DHRSX: variants seen among roughly 807,000 people sequenced by gnomAD.
The protein encoded by DHRSX is polyprenol dehydrogenase.
DHRSX carries 31 observed loss-of-function variants against 34.0 expected under a neutral mutation model. That is an observed-to-expected ratio of 0.91 (90% CI 0.69 to 1.23). DHRSX has a LOEUF of 1.23. Ranked by LOEUF, DHRSX falls within the 50% of genes most tolerant of loss-of-function variation. The probability of loss-of-function intolerance (pLI) is 0.00; values close to 1 mark genes in which losing one functional copy is unlikely to be tolerated. For synonymous variants in DHRSX, 201 were observed against 183.8 expected (o/e 1.09, Z -0.76); for missense variants, 414 against 428.1 (o/e 0.97, Z 0.29).
intron 6 of DHRSX, among the ~76,000 whole-genome samples, chrX:2,225,276 A>C (rs895774894): frequency 6.7e-6 from 1 of 148,882 alleles, no homozygotes; most frequent in African/African-American, 2.5e-5. Context: ...CACAGCTCAC[A>C]CACATGCACT....
intron 3 of DHRSX, among the ~76,000 whole-genome samples, chrX:2,385,103 A>AAT (rs201832423): frequency 6.3e-5 from 5 of 79,372 alleles, no homozygotes; most frequent in Admixed American, 6.2e-4. Flanking sequence ...CTCCATCTCA[A>AAT]ATATATATGT....
intron 3 of DHRSX, among the ~76,000 whole-genome samples, chrX:2,333,704 C>G (rs760025465): frequency 5.3e-5 from 8 of 152,096 alleles, no homozygotes; most frequent in African/African-American, 1.9e-4. Context: ...TGAGCCACTG[C>G]GCCCGGCCAA....
At chrX:2,325,395 G>A (rs1166060146) in intron 3 of DHRSX, among the ~76,000 whole-genome samples, 4 of 152,074 alleles carry the variant, frequency 2.6e-5, no homozygotes, top group African/African-American at 7.2e-5. Context: ...AGGAACTAGG[G>A]ACTAGACACA....
intron 1 of DHRSX, among the ~76,000 whole-genome samples, chrX:2,482,616 T>C (rs5983086): frequency 0.43 from 66,080 of 151,956 alleles, 14,863 homozygotes; most frequent in African/African-American, 0.53. Flanking sequence ...TTTCTTTCCC[T>C]CAAGAATTTA....
intron 3 of DHRSX, among the ~76,000 whole-genome samples, chrX:2,402,578 C>T (rs1311140206): frequency 2.0e-5 from 3 of 152,158 alleles, no homozygotes; most frequent in Non-Finnish European, 2.9e-5. Context: ...TGGCCACAGC[C>T]GAAATGTCCC....
At chrX:2,399,607 G>A (rs2043459250) in intron 3 of DHRSX, among the ~76,000 whole-genome samples, 1 of 151,706 alleles carries the variant, frequency 6.6e-6, no homozygotes, top group Non-Finnish European at 1.5e-5. Flanking sequence ...TTGGGAGGCT[G>A]AGGCAGGAGA....
intron 5 of DHRSX, among the ~76,000 whole-genome samples, chrX:2,243,800 T>G (rs1360226412): frequency 0.022 from 1,764 of 80,562 alleles, 107 homozygotes; most frequent in African/African-American, 0.075. Context: ...TTTTTTTTTT[T>G]TTTTTTTTTT....
At chrX:2,299,727 C>A (rs184617937) in intron 3 of DHRSX, among the ~76,000 whole-genome samples, 1 of 151,758 alleles carries the variant, frequency 6.6e-6, no homozygotes, top group Non-Finnish European at 1.5e-5. Context: ...TGGTGGTGCA[C>A]GCCTGTAATC....
chrX:2,287,626 A>C (rs1330590297), intron 4 of DHRSX, among the ~76,000 whole-genome samples: 2 of 152,002 alleles, frequency 1.3e-5, no homozygotes, highest in African/African-American at 4.8e-5. Flanking sequence ...TGTGGAAGAC[A>C]GAATAATGGC....
At chrX:2,290,862 G>A (rs2041857060) in intron 4 of DHRSX, among the ~76,000 whole-genome samples, 1 of 152,144 alleles carries the variant, frequency 6.6e-6, no homozygotes, top group African/African-American at 2.4e-5. Context: ...CTGCAGCAGG[G>A]GATGAGAGTA....
intron 3 of DHRSX, among the ~76,000 whole-genome samples, chrX:2,333,603 C>G (rs1407574462): frequency 6.6e-6 from 1 of 152,080 alleles, no homozygotes; most frequent in Non-Finnish European, 1.5e-5. Flanking sequence ...TTAGTAGAGA[C>G]AGGGTTTCAC....
chrX:2,242,182 T>C lies in DHRSX; in HGVS notation c.804+841A>G, dbSNP rs768914802. ...TTTATTCATGTTTCAAAAAGGGCAA[T>C]TGTATTTTGTGCGTTGATTTTTCAG... On this transcript the variant is annotated intron_variant, in intron 6 of 6. Transcript: ENST00000334651. Among the ~76,000 whole-genome samples, 10 of 152,162 alleles carry C rather than the reference T, an allele frequency of 6.6e-5. No homozygotes were observed. The South Asian group carries it at 1.0e-3, about 16-fold the overall frequency.
intron 1 of DHRSX, among the ~76,000 whole-genome samples, chrX:2,498,629 A>AG (rs1054258556): frequency 2.0e-5 from 3 of 151,512 alleles, no homozygotes; most frequent in Non-Finnish European, 4.4e-5. Context: ...AAATGGGAAA[A>AG]AAAAAAAAAA....
At position 2,318,904 on chromosome X, in the gene DHRSX, A is replaced by G. The variant is rs749676568; in HGVS notation, c.287-27301T>C. ...GAACCCTCTCTTGGGGTCAGGATCAAGACCCCTTTCCAGTAAACAACGCCT... is the reference window on the plus strand; with the variant it reads ...GAACCCTCTCTTGGGGTCAGGATCAGGACCCCTTTCCAGTAAACAACGCCT... On this transcript the variant is annotated intron_variant, in intron 3 of 6. Transcript: ENST00000334651. 3.9e-5 allele frequency among the ~76,000 whole-genome samples: 6 copies of G among 152,196 alleles called. No homozygotes were observed. The East Asian group carries it at 1.2e-3, about 29-fold the overall frequency.
intron 1 of DHRSX, among the ~76,000 whole-genome samples, chrX:2,434,073 C>T (rs754103230): frequency 2.5e-4 from 38 of 152,250 alleles, no homozygotes; most frequent in East Asian, 2.1e-3. Context: ...CCACCGCGCC[C>T]GGTCTATAAA....
At position 2,425,203 on chromosome X, in the gene DHRSX, T is replaced by A. The variant is rs1569499725; in HGVS notation, c.211A>T (p.Ile71Phe). Residue 71 changes from isoleucine to phenylalanine, a missense_variant, in exon 2 of 7, where the codon ATC becomes TTC. Transcript: ENST00000334651. ...TAACTGTAAAAGTCATCACCTATGA[T>A]AACATGCATGCCAAGTCTCGCCAGA... is the stretch of plus-strand genomic sequence containing the variant. ...KHLARLGMHVIIAGNNDSKAK... is the reference protein window; with the variant it reads ...KHLARLGMHVFIAGNNDSKAK... The A allele has an allele frequency of 8.1e-6, 13 of 1,611,240 alleles. No homozygotes were observed. The highest frequency in any genetic ancestry group is 1.1e-5 in the Non-Finnish European group (13 of 1,178,280).
intron 1 of DHRSX, among the ~76,000 whole-genome samples, chrX:2,426,818 TC>T (rs1375590814): frequency 2.0e-5 from 3 of 151,396 alleles, no homozygotes; most frequent in Non-Finnish European, 4.4e-5. Context: ...CCTCTTTCCT[TC>T]CCTCCCTCTT....
intron 3 of DHRSX, among the ~76,000 whole-genome samples, chrX:2,402,695 C>T (rs6642058): frequency 0.25 from 37,859 of 151,158 alleles, 4,892 homozygotes; most frequent in East Asian, 0.37. Flanking sequence ...AGATTTTAAA[C>T]TTTTTTCTTT....
chrX:2,446,594 C>A (rs971487249), intron 1 of DHRSX, among the ~76,000 whole-genome samples: 7 of 151,236 alleles, frequency 4.6e-5, no homozygotes, highest in African/African-American at 1.7e-4. Context: ...GGACCACCTC[C>A]ATGTACACAC....
Sources: allele counts gnomAD v4.1 joint callset (sites outside exome capture counted in the v4.1 genomes callset), GRCh38; gene constraint gnomAD v4.1.1; transcripts MANE v1.5; gene names NCBI Gene and HGNC (gene_info 2026-07-23, HGNC 2026-07-21).